Variants in CLASP1 observed in about 807,000 individuals in gnomAD.
CLASP1 encodes the protein CLIP-associating protein 1.
CLASP1 carries 38 observed loss-of-function variants against 192.3 expected under a neutral mutation model. That is an observed-to-expected ratio of 0.20 (90% CI 0.15 to 0.26). The LOEUF is 0.26. Ranked by LOEUF, CLASP1 falls within the 10% of genes least tolerant of loss-of-function variation. The pLI is 1.00. For synonymous variants in CLASP1, 691 were observed against 712.8 expected (o/e 0.97, Z 0.49); for missense variants, 1,433 against 1,932.5 (o/e 0.74, Z 4.85).
chr2:121,503,311 G>A, intron 7 of CLASP1, 77 bp from the exon 8 acceptor site: 1 of 837,424 alleles, frequency 1.2e-6, no homozygotes, highest in Non-Finnish European at 2.0e-6. Flanking sequence ...CTAATGTGAA[G>A]TTGATCCCCA....
At chr2:121,458,633 A>G (rs2087199159) in intron 13 of CLASP1, among the ~76,000 whole-genome samples, 1 of 152,206 alleles carries the variant, frequency 6.6e-6, no homozygotes, top group Admixed American at 6.5e-5. Flanking sequence ...TTTATAACAC[A>G]ACCATAATTC....
chr2:121,489,765 TAAAAATGCAAATCTTTTAAAGGGGAA>T (rs2093195369), intron 8 of CLASP1, among the ~76,000 whole-genome samples: 1 of 152,248 alleles, frequency 6.6e-6, no homozygotes, highest in South Asian at 2.1e-4. Flanking sequence ...TTTTGCATTT[TAAAAATGCAAATCTTTTAAAGGGGAA>T]AAAAATAAAC....
intron 34 of CLASP1, among the ~76,000 whole-genome samples, chr2:121,376,733 C>G (rs74782141): frequency 0.033 from 5,073 of 152,250 alleles, 114 homozygotes; most frequent in Middle Eastern, 0.061. Flanking sequence ...ACAGCCACCC[C>G]ACATTGCTCA....
In CLASP1 at chr2:121,515,658, C is replaced by T; in HGVS notation, c.644+7G>A. 6.2e-7 allele frequency: 1 copy of T among 1,612,244 alleles called. No individual in the cohort carries two copies. The highest frequency in any genetic ancestry group is 8.5e-7 in the Non-Finnish European group (1 of 1,178,348). On this transcript the variant is annotated splice_region_variant and intron_variant, in intron 7 of 39. Coordinates refer to ENST00000263710, the Ensembl canonical transcript of CLASP1. ...AGAGCAGAAGAAAGGAAAAAATCTG[C>T]ACTCACCGGGACTGTGGCAATCCTT...
At chr2:121,578,594 G>A (rs549350124) in intron 2 of CLASP1, among the ~76,000 whole-genome samples, 4 of 151,724 alleles carry the variant, frequency 2.6e-5, no homozygotes, top group African/African-American at 9.7e-5. Context: ...GGAGTGTGGT[G>A]GTGCATGCCT....
At chr2:121,558,201 G>A (rs2058749322) in intron 2 of CLASP1, among the ~76,000 whole-genome samples, 1 of 152,118 alleles carries the variant, frequency 6.6e-6, no homozygotes, top group East Asian at 1.9e-4. Flanking sequence ...AAAGAATAAG[G>A]TGAAAAATAA....
chr2:121,593,406 G>T (rs1249837253), intron 2 of CLASP1, among the ~76,000 whole-genome samples: 2 of 152,080 alleles, frequency 1.3e-5, no homozygotes, highest in African/African-American at 4.8e-5. Context: ...GATCACCTGA[G>T]GTCAGGAGTT....
At chr2:121,623,964 T>C (rs186228295) in intron 1 of CLASP1, among the ~76,000 whole-genome samples, 1 of 152,346 alleles carries the variant, frequency 6.6e-6, no homozygotes, top group Non-Finnish European at 1.5e-5. Flanking sequence ...GTTCCTAGTA[T>C]TTCCTTATAA....
intron 8 of CLASP1, among the ~76,000 whole-genome samples, chr2:121,490,709 A>G (rs1408226228): frequency 6.6e-6 from 1 of 152,256 alleles, no homozygotes; most frequent in African/African-American, 2.4e-5. Context: ...CATCAGAAGC[A>G]GTCTCTTCCA....
rs1029467698 is a variant in CLASP1, at chr2:121,407,954, G to A, written c.2425-239C>T. 3.1e-5 allele frequency: 19 copies of A among 611,174 alleles called. 1 individual carries two copies. Among genetic ancestry groups the A allele is most frequent in the African/African-American group, 1.6e-4 (9 of 55,176 alleles). The allele number at this position is 611,174 out of a possible 1,614,324, so 37.9% of individuals were successfully genotyped here. ...AAGAGTATGGCCTCTAGTAAAGTGC[G>A]TAGACTTTACAGGAAGACAGACAGA... is the stretch of plus-strand genomic sequence containing the variant. On this transcript the variant is annotated intron_variant, in intron 24 of 39. Transcript: ENST00000263710.
chr2:121,433,305 G>C (rs1283557204), intron 19 of CLASP1, among the ~76,000 whole-genome samples: 1 of 145,108 alleles, frequency 6.9e-6, no homozygotes, highest in Non-Finnish European at 1.5e-5. Flanking sequence ...GGGCAAAAGA[G>C]CAAAACCCTG....
intron 30 of CLASP1, 85 bp from the exon 32 acceptor site, chr2:121,387,991 T>A (rs2073626432): frequency 1.8e-6 from 2 of 1,091,646 alleles, no homozygotes; most frequent in Non-Finnish European, 2.6e-6. Flanking sequence ...AAATATTTTA[T>A]AAGTAAAATC....
At chr2:121,512,971 A>T (rs1381827153) in intron 7 of CLASP1, 1 of 152,228 alleles carries the variant, frequency 6.6e-6, no homozygotes. Context: ...AAGTTGAAAA[A>T]TCTATGCTCA....
intron 7 of CLASP1, among the ~76,000 whole-genome samples, chr2:121,509,640 T>A (rs2094054611): frequency 6.6e-6 from 1 of 152,112 alleles, no homozygotes; most frequent in African/African-American, 2.4e-5. Flanking sequence ...AAGTTTGAGA[T>A]CATCCTGGCC....
chr2:121,598,350 G>C (rs2063390289), intron 2 of CLASP1, among the ~76,000 whole-genome samples: 2 of 152,238 alleles, frequency 1.3e-5, no homozygotes, highest in South Asian at 4.1e-4. Flanking sequence ...GTCTGAGTGA[G>C]AGAGGCAAGT....
intron 8 of CLASP1, among the ~76,000 whole-genome samples, chr2:121,502,098 T>C (rs1296899859): frequency 6.6e-6 from 1 of 152,156 alleles, no homozygotes; most frequent in Non-Finnish European, 1.5e-5. Flanking sequence ...TCACAAGAAT[T>C]ACCCACTAGT....
chr2:121,528,703 T>C, exon 4 of CLASP1: 1 of 1,614,048 alleles, frequency 6.2e-7, no homozygotes, highest in East Asian at 2.2e-5. Flanking sequence ...TGATCCATGA[T>C]CTTTAGCAGC....
At chr2:121,426,789 T>G (rs1285338696) in intron 21 of CLASP1, among the ~76,000 whole-genome samples, 1 of 152,138 alleles carries the variant, frequency 6.6e-6, no homozygotes, top group East Asian at 1.9e-4. Flanking sequence ...ATATTACTAT[T>G]TCTTGTGGGA....
chr2:121,413,828 G>A (rs1179134405), intron 23 of CLASP1, among the ~76,000 whole-genome samples: 1 of 152,078 alleles, frequency 6.6e-6, no homozygotes, highest in Non-Finnish European at 1.5e-5. Context: ...TTGCCCCACA[G>A]GAACCCTAAA....
Sources: gnomAD v4.1 joint callset for allele counts (sites outside exome capture counted in the v4.1 genomes callset) on GRCh38, gnomAD v4.1.1 for gene constraint, MANE v1.5 for transcripts, NCBI Gene and HGNC (gene_info 2026-07-23, HGNC 2026-07-21) for gene names.